The following TMEM132D variants were observed in gnomAD, a reference collection of about 807,000 sequenced individuals.
TMEM132D encodes the protein transmembrane protein 132D.
In TMEM132D, 21 loss-of-function variants were observed where a neutral mutation model predicts 62.3. The ratio of observed to expected loss-of-function variants is 0.34; its 90% CI spans 0.24 to 0.49. The LOEUF (loss-of-function observed/expected upper bound fraction) is 0.49. TMEM132D is among the 20% of genes least tolerant of loss of function. The pLI, the probability that TMEM132D is intolerant of heterozygous loss-of-function variation, is 0.99. For synonymous variants in TMEM132D, 621 were observed against 575.6 expected, an observed-to-expected ratio of 1.08 and a Z score of -1.13; for missense variants, 1,346 against 1,402.8, an observed-to-expected ratio of 0.96 and a Z score of 0.65.
intron 3 of TMEM132D, among the ~76,000 whole-genome samples, chr12:129,504,691 T>G (rs1875276557): frequency 6.6e-6 from 1 of 152,314 alleles, no homozygotes; most frequent in East Asian, 1.9e-4. Flanking sequence ...TCATTTATCT[T>G]TTGTATTTTT....
intron 3 of TMEM132D, among the ~76,000 whole-genome samples, chr12:129,398,289 T>TA (rs1871492237): frequency 1.3e-5 from 2 of 152,220 alleles, no homozygotes; most frequent in Non-Finnish European, 2.9e-5. Flanking sequence ...CTATCTTTAG[T>TA]GCCTGTTTTC....
chr12:129,126,743 G>T (rs554941902), intron 5 of TMEM132D, among the ~76,000 whole-genome samples: 1 of 152,224 alleles, frequency 6.6e-6, no homozygotes. Flanking sequence ...ATAAAATGGG[G>T]TAGTAATGCG....
chr12:129,107,644 C>T (rs1875543917), intron 5 of TMEM132D, among the ~76,000 whole-genome samples: 2 of 152,174 alleles, frequency 1.3e-5, no homozygotes, highest in Non-Finnish European at 2.9e-5. Context: ...CAGATAACTA[C>T]AGCTTTCCCC....
At chr12:129,775,845 A>G (rs1439123190) in intron 1 of TMEM132D, among the ~76,000 whole-genome samples, 2 of 152,208 alleles carry the variant, frequency 1.3e-5, no homozygotes, top group Non-Finnish European at 2.9e-5. Context: ...TGGTGAAAAT[A>G]TAATTATCTA....
chr12:129,704,206 C>CA (rs1349843467), intron 1 of TMEM132D, among the ~76,000 whole-genome samples: 1 of 152,212 alleles, frequency 6.6e-6, no homozygotes, highest in Non-Finnish European at 1.5e-5. Context: ...CCAAATCTGG[C>CA]AATCCTCAGC....
intron 2 of TMEM132D, among the ~76,000 whole-genome samples, chr12:129,541,396 G>T (rs1388780583): frequency 1.3e-5 from 2 of 152,258 alleles, no homozygotes; most frequent in African/African-American, 4.8e-5. Flanking sequence ...TGGGAACATT[G>T]TCTATGGATT....
chr12:129,296,067 T>A (rs1437171120), intron 4 of TMEM132D, among the ~76,000 whole-genome samples: 1 of 132,078 alleles, frequency 7.6e-6, no homozygotes, highest in Non-Finnish European at 1.5e-5. Flanking sequence ...TATATGAACA[T>A]GCACACACAC....
intron 1 of TMEM132D, among the ~76,000 whole-genome samples, chr12:129,710,765 C>T (rs1006912577): frequency 2.6e-5 from 4 of 152,214 alleles, no homozygotes; most frequent in Non-Finnish European, 5.9e-5. Context: ...AAGCCCGCAG[C>T]CATGCTCCTC....
At chr12:129,707,491 G>A (rs1555226614) in intron 1 of TMEM132D, among the ~76,000 whole-genome samples, 1 of 151,968 alleles carries the variant, frequency 6.6e-6, no homozygotes, top group Non-Finnish European at 1.5e-5. Context: ...TAGCATAGAG[G>A]GGCTGTCTGG....
chr12:129,253,604 T>C (rs1390595737), intron 4 of TMEM132D, among the ~76,000 whole-genome samples: 6 of 152,242 alleles, frequency 3.9e-5, no homozygotes, highest in Non-Finnish European at 8.8e-5. Context: ...GCAAAGGGGA[T>C]ACCTTAGGCT....
rs76648740 is a variant in TMEM132D at position 129,072,623 on chromosome 12, G to C, written c.*1252C>G. 6.6e-6 allele frequency: 1 copy of C among 152,306 alleles called. No homozygotes were observed. Among genetic ancestry groups the C allele is most frequent in the Non-Finnish European group, 1.5e-5 (1 of 68,210 alleles). The allele number at this position is 152,306 out of a possible 1,614,324, so 9.4% of individuals were successfully genotyped here. On this transcript the variant is annotated 3_prime_UTR_variant, in exon 9 of 9. Transcript: ENST00000422113. ...GATGAAGAAGGTTTCTGTGCTGTCC[G>C]GTGTGTGTGAGGCTGGGCTTCCTGC...
intron 5 of TMEM132D, among the ~76,000 whole-genome samples, chr12:129,200,045 C>G (rs1248082611): frequency 6.6e-6 from 1 of 152,122 alleles, no homozygotes. Context: ...AATAATAATG[C>G]CAGGTGAGTA....
intron 1 of TMEM132D, among the ~76,000 whole-genome samples, chr12:129,835,592 G>A (rs1205507378): frequency 1.3e-5 from 2 of 152,154 alleles, no homozygotes; most frequent in African/African-American, 4.8e-5. Flanking sequence ...CACCGAGCCT[G>A]TGCATGAGGT....
chr12:129,136,172 A>G (rs528213622), intron 5 of TMEM132D, among the ~76,000 whole-genome samples: 2 of 152,338 alleles, frequency 1.3e-5, no homozygotes, highest in Non-Finnish European at 2.9e-5. Flanking sequence ...TTTAGAATTA[A>G]AGAGGAGTTG....
intron 4 of TMEM132D, among the ~76,000 whole-genome samples, chr12:129,225,542 T>G (rs909198410): frequency 6.6e-6 from 1 of 152,214 alleles, no homozygotes; most frequent in African/African-American, 2.4e-5. Flanking sequence ...TTACTGAAAC[T>G]CTCTGCAGCT....
rs566520052 is a variant in TMEM132D, at chr12:129,479,334, T to C, written c.1115+51725A>G. Among the ~76,000 whole-genome samples the C allele has an allele frequency of 2.0e-5, 3 of 152,270 alleles. No homozygotes were observed. The South Asian group carries it at 6.2e-4, about 32-fold the overall frequency. The stretch of plus-strand genomic sequence containing the variant: ...TTTAAGGATCCTGGGCTATTGTTAA[T>C]ATATCCTGATTTCCAGAAGACAGAG... On this transcript the variant is annotated intron_variant, in intron 3 of 8. Coordinates refer to ENST00000422113, the MANE Select transcript of TMEM132D (RefSeq NM_133448.3).
intron 4 of TMEM132D, among the ~76,000 whole-genome samples, chr12:129,335,626 G>T (rs1336019946): frequency 1.3e-5 from 2 of 152,124 alleles, no homozygotes; most frequent in Non-Finnish European, 2.9e-5. Flanking sequence ...ATGAAAAATG[G>T]AAAACAGGTA....
At chr12:129,254,953 T>C (rs959780402) in intron 4 of TMEM132D, among the ~76,000 whole-genome samples, 1 of 152,180 alleles carries the variant, frequency 6.6e-6, no homozygotes, top group African/African-American at 2.4e-5. Context: ...AGGTAGAGCC[T>C]GGTGGGAGGT....
chr12:129,335,836 T>A (rs1011218149), intron 4 of TMEM132D, among the ~76,000 whole-genome samples: 2 of 152,210 alleles, frequency 1.3e-5, no homozygotes, highest in East Asian at 3.8e-4. Flanking sequence ...TTTTGGTGAA[T>A]TGGATGCAAC....
Sources: allele counts gnomAD v4.1 joint callset (sites outside exome capture counted in the v4.1 genomes callset), GRCh38; gene constraint gnomAD v4.1.1; transcripts MANE v1.5; gene names NCBI Gene and HGNC (gene_info 2026-07-23, HGNC 2026-07-21).